Variants in SLC24A2 observed in about 807,000 individuals in gnomAD.
The protein encoded by SLC24A2 is sodium/potassium/calcium exchanger 2.
A neutral mutation model predicts 62.0 loss-of-function variants in SLC24A2; 36 were observed. The ratio of observed to expected loss-of-function variants is 0.58; its 90% CI spans 0.44 to 0.77. The LOEUF is 0.77. Ranked by LOEUF, SLC24A2 falls within the 30% of genes least tolerant of loss-of-function variation. SLC24A2 has a pLI of 0.00. For synonymous variants in SLC24A2, 358 were observed against 294.0 expected (o/e 1.22, Z -2.23); for missense variants, 846 against 817.9 (o/e 1.03, Z -0.42).
chr9:19,926,020 G>C, the SLC24A2 span: 1 of 152,156 alleles, frequency 6.6e-6, no homozygotes, highest in African/African-American at 2.4e-5. Flanking sequence ...CCACAGAAAA[G>C]GGCCTGTTTT....
the SLC24A2 span, among the ~76,000 whole-genome samples, chr9:20,292,177 G>T: frequency 3.3e-5 from 5 of 152,170 alleles, no homozygotes; most frequent in African/African-American, 1.2e-4. Flanking sequence ...TTGTGCAGGG[G>T]GAAACTGACT....
chr9:20,180,185 C>G, the SLC24A2 span, among the ~76,000 whole-genome samples: 1 of 152,098 alleles, frequency 6.6e-6, no homozygotes, highest in Non-Finnish European at 1.5e-5. Flanking sequence ...TTACTTAACT[C>G]CTCTATGATT....
intron 5 of SLC24A2, among the ~76,000 whole-genome samples, chr9:19,579,215 A>C (rs766267152): frequency 1.9e-4 from 29 of 152,210 alleles, no homozygotes; most frequent in Non-Finnish European, 3.7e-4. Flanking sequence ...AAGAAGAACA[A>C]GAACAGAAAG....
At chr9:19,922,312 T>G in the SLC24A2 span, among the ~76,000 whole-genome samples, 1 of 152,222 alleles carries the variant, frequency 6.6e-6, no homozygotes, top group African/African-American at 2.4e-5. Flanking sequence ...CCAAGAGATC[T>G]CATACCAAAT....
chr9:19,907,684 C>A, the SLC24A2 span, among the ~76,000 whole-genome samples: 1 of 152,130 alleles, frequency 6.6e-6, no homozygotes, highest in East Asian at 1.9e-4. Flanking sequence ...TTCGTATACA[C>A]CAATAACAGA....
chr9:20,072,979 C>A, the SLC24A2 span, among the ~76,000 whole-genome samples: 47 of 152,288 alleles, frequency 3.1e-4, no homozygotes, highest in African/African-American at 9.9e-4. Flanking sequence ...GGGAAGGTAA[C>A]ACAGAGACAT....
the SLC24A2 span, among the ~76,000 whole-genome samples, chr9:20,230,350 A>G: frequency 2.0e-5 from 3 of 152,180 alleles, no homozygotes; most frequent in Non-Finnish European, 2.9e-5. Flanking sequence ...AGTCCCACCA[A>G]CAGTGTAAAA....
At chr9:19,885,504 T>TC in the SLC24A2 span, among the ~76,000 whole-genome samples, 1 of 152,174 alleles carries the variant, frequency 6.6e-6, no homozygotes, top group East Asian at 1.9e-4. Flanking sequence ...TCTTATCCTC[T>TC]CCCCATTTTA....
chr9:20,203,301 G>T, the SLC24A2 span, among the ~76,000 whole-genome samples: 4 of 152,086 alleles, frequency 2.6e-5, no homozygotes, highest in Non-Finnish European at 5.9e-5. Context: ...TGATCTTTTT[G>T]TGGTGGTGGC....
At chr9:20,273,667 G>T in the SLC24A2 span, among the ~76,000 whole-genome samples, 1 of 152,148 alleles carries the variant, frequency 6.6e-6, no homozygotes, top group Non-Finnish European at 1.5e-5. Context: ...CCAGCCACAT[G>T]GAACTGTAAG....
At chr9:19,705,781 C>T (rs1387090374) in intron 2 of SLC24A2, 1 of 153,432 alleles carries the variant, frequency 6.5e-6, no homozygotes, top group South Asian at 2.1e-4. Flanking sequence ...AGTTTGATTG[C>T]CCTGTGGTCT....
intron 4 of SLC24A2, among the ~76,000 whole-genome samples, chr9:19,609,838 C>T (rs548078875): frequency 2.8e-4 from 43 of 152,268 alleles, no homozygotes; most frequent in African/African-American, 9.6e-4. Context: ...TTCAGATCAT[C>T]AGGCATTAGA....
chr9:20,083,015 G>A, the SLC24A2 span, among the ~76,000 whole-genome samples: 1 of 152,188 alleles, frequency 6.6e-6, no homozygotes, highest in East Asian at 1.9e-4. Flanking sequence ...TTTCCAGGGT[G>A]CTGATAAACC....
At chr9:20,090,982 A>G in the SLC24A2 span, among the ~76,000 whole-genome samples, 2 of 152,178 alleles carry the variant, frequency 1.3e-5, no homozygotes, top group African/African-American at 4.8e-5. Flanking sequence ...GAGCTGACAG[A>G]CAAAATAGAC....
the SLC24A2 span, among the ~76,000 whole-genome samples, chr9:20,287,500 A>G: frequency 6.6e-6 from 1 of 152,216 alleles, no homozygotes; most frequent in Admixed American, 6.5e-5. Flanking sequence ...CCACAGAACA[A>G]AAGGGTTGGT....
the SLC24A2 span, among the ~76,000 whole-genome samples, chr9:19,892,770 C>T: frequency 4.5e-4 from 69 of 151,988 alleles, 2 homozygotes; most frequent in African/African-American, 1.4e-3. Flanking sequence ...TGAAGCTTGG[C>T]GAGAACAAGA....
the SLC24A2 span, among the ~76,000 whole-genome samples, chr9:19,965,871 T>A: frequency 6.6e-6 from 1 of 152,142 alleles, no homozygotes; most frequent in Non-Finnish European, 1.5e-5. Context: ...ACTGGAATGA[T>A]CCTCCATTCC....
At chr9:19,641,718 T>C (rs1429365514) in intron 2 of SLC24A2, among the ~76,000 whole-genome samples, 1 of 152,144 alleles carries the variant, frequency 6.6e-6, no homozygotes, top group East Asian at 1.9e-4. Context: ...TTAAACATTT[T>C]TGAATACTTA....
chr9:20,049,449 T>C, the SLC24A2 span, among the ~76,000 whole-genome samples: 6 of 152,162 alleles, frequency 3.9e-5, no homozygotes, highest in Non-Finnish European at 7.3e-5. Context: ...GTTACCATTT[T>C]TGGATGTGGA....
Sources: gnomAD v4.1 joint callset for allele counts (sites outside exome capture counted in the v4.1 genomes callset) on GRCh38, gnomAD v4.1.1 for gene constraint, MANE v1.5 for transcripts, NCBI Gene and HGNC (gene_info 2026-07-23, HGNC 2026-07-21) for gene names.